The following WDPCP variants were observed in gnomAD, a reference collection of about 807,000 sequenced individuals.
The protein encoded by WDPCP is WD repeat-containing and planar cell polarity effector protein fritz homolog.
In WDPCP, 71 loss-of-function variants were observed where a neutral mutation model predicts 93.1. The observed-to-expected ratio is 0.76, with a 90% CI of 0.63 to 0.93. The LOEUF (loss-of-function observed/expected upper bound fraction) is 0.93. WDPCP is among the 40% of genes least tolerant of loss of function. The pLI, the probability that WDPCP is intolerant of heterozygous loss-of-function variation, is 0.00. For synonymous variants in WDPCP, 315 were observed against 315.0 expected (o/e 1.00, Z 0.00); for missense variants, 844 against 887.4 (o/e 0.95, Z 0.62).
At chr2:63,199,019 C>G (rs10209669) in intron 14 of WDPCP, among the ~76,000 whole-genome samples, 14 of 152,164 alleles carry the variant, frequency 9.2e-5, no homozygotes, top group African/African-American at 3.1e-4. Context: ...CAGAGACTGA[C>G]AGCATTGTGC....
At chr2:63,263,480 C>T (rs1681829100) in intron 13 of WDPCP, among the ~76,000 whole-genome samples, 1 of 152,186 alleles carries the variant, frequency 6.6e-6, no homozygotes, top group Non-Finnish European at 1.5e-5. Context: ...CATGTGTTTA[C>T]TCTGCCGTCT....
intron 1 of WDPCP, among the ~76,000 whole-genome samples, chr2:63,543,748 T>C (rs1160770477): frequency 1.3e-5 from 2 of 152,064 alleles, no homozygotes; most frequent in African/African-American, 4.8e-5. Flanking sequence ...TTTTAACTGA[T>C]CAACAATTAC....
At chr2:63,526,417 G>C (rs1261340452) in intron 1 of WDPCP, among the ~76,000 whole-genome samples, 3 of 152,080 alleles carry the variant, frequency 2.0e-5, no homozygotes, top group Non-Finnish European at 4.4e-5. Flanking sequence ...TGTTTGAAAA[G>C]GAATTTTTTA....
intron 1 of WDPCP, among the ~76,000 whole-genome samples, chr2:63,820,882 C>G (rs533718532): frequency 6.6e-6 from 1 of 152,006 alleles, no homozygotes; most frequent in Non-Finnish European, 1.5e-5. Flanking sequence ...ATAAATTTAA[C>G]TTAAATTTAT....
chr2:63,439,897 A>C (rs1464636936), intron 6 of WDPCP, 26 bp from the exon 7 acceptor site: 1 of 1,551,282 alleles, frequency 6.4e-7, no homozygotes, highest in Non-Finnish European at 8.9e-7. Flanking sequence ...TGGGGGAGAG[A>C]GGGAGGAAGA....
chr2:63,835,389 CAAAAAAAAAAA>C, the WDPCP span, among the ~76,000 whole-genome samples: 1 of 42,352 alleles, frequency 2.4e-5, no homozygotes, highest in Non-Finnish European at 4.9e-5. Context: ...GACTCCATCT[CAAAAAAAAAAA>C]AAAAAAAAAA....
At chr2:63,563,341 C>G (rs1483738430) in intron 1 of WDPCP, among the ~76,000 whole-genome samples, 1 of 151,630 alleles carries the variant, frequency 6.6e-6, no homozygotes, top group Non-Finnish European at 1.5e-5. Context: ...TGAAAAATAG[C>G]ATCATTTAAT....
At chr2:63,127,661 G>GTA (rs1670006397) in intron 17 of WDPCP, among the ~76,000 whole-genome samples, 3 of 49,162 alleles carry the variant, frequency 6.1e-5, no homozygotes, top group South Asian at 7.5e-4. Flanking sequence ...ATGTGTATGT[G>GTA]CATATATATA....
chr2:63,380,578 G>T (rs1692217052), intron 11 of WDPCP, among the ~76,000 whole-genome samples: 1 of 151,972 alleles, frequency 6.6e-6, no homozygotes, highest in Admixed American at 6.6e-5. Context: ...AGAAAAATTA[G>T]CTGGGTGTGT....
intron 2 of WDPCP, among the ~76,000 whole-genome samples, chr2:63,691,849 A>T (rs1036559150): frequency 6.6e-6 from 1 of 150,612 alleles, no homozygotes; most frequent in African/African-American, 2.5e-5. Context: ...TCTATACAAG[A>T]TTTTTAAAAA....
chr2:63,448,448 A>T (rs1355421048), intron 6 of WDPCP, among the ~76,000 whole-genome samples: 4 of 151,826 alleles, frequency 2.6e-5, no homozygotes, highest in Non-Finnish European at 5.9e-5. Flanking sequence ...ACACACACAC[A>T]CACACACACA....
intron 1 of WDPCP, among the ~76,000 whole-genome samples, chr2:63,521,123 A>C (rs1007813887): frequency 1.3e-5 from 2 of 152,196 alleles, no homozygotes; most frequent in African/African-American, 4.8e-5. Flanking sequence ...AAACTCATAG[A>C]CCAGTGATAC....
At position 63,275,719 on chromosome 2, in the gene WDPCP, T is replaced by TA. The variant is rs781704575; in HGVS notation, c.1813-16311dup. Among the ~76,000 whole-genome samples, 435 of 151,300 alleles carry TA rather than the reference T, an allele frequency of 2.9e-3. 3 individuals are homozygous for TA. Among genetic ancestry groups the TA allele is most frequent in the Admixed American group, 6.4e-3 (97 of 15,202 alleles). Reference sequence around the variant, plus strand: ...TATGAGGAAAATGAAATAACACCAGTAAAAAAAACCAAAGAGGACACAAAC... The same window carrying TA: ...TATGAGGAAAATGAAATAACACCAGTAAAAAAAAACCAAAGAGGACACAAAC... On this transcript the variant is annotated intron_variant, in intron 13 of 17. Coordinates refer to ENST00000272321, the MANE Select transcript of WDPCP (RefSeq NM_015910.7).
chr2:63,262,516 C>T (rs1267826406), intron 13 of WDPCP, among the ~76,000 whole-genome samples: 1 of 130,098 alleles, frequency 7.7e-6, no homozygotes, highest in Non-Finnish European at 1.6e-5. Flanking sequence ...AACTATAGAA[C>T]ACTGATATAC....
chr2:63,691,925 C>T (rs1339889147), intron 2 of WDPCP, among the ~76,000 whole-genome samples: 1 of 143,612 alleles, frequency 7.0e-6, no homozygotes, highest in Non-Finnish European at 1.5e-5. Flanking sequence ...TTTTTCTATT[C>T]TATTAGCAGG....
At chr2:63,600,682 G>A (rs1224376924) in intron 3 of WDPCP, among the ~76,000 whole-genome samples, 3 of 152,074 alleles carry the variant, frequency 2.0e-5, no homozygotes. Context: ...AATTTAGAGG[G>A]TTGTTGGATA....
Position 63,404,029 on chromosome 2 carries a change from A to T in WDPCP, c.1435+19T>A. The T allele has an allele frequency of 6.2e-7, 1 of 1,613,906 alleles. No homozygotes were observed. The highest frequency in any genetic ancestry group is 8.5e-7 in the Non-Finnish European group (1 of 1,179,930). Reference sequence around the variant, plus strand: ...CCTAAACATTTTAATTTACTTACTCATCACTTTCCTTGACTTACCTAGTTT... The same window carrying T: ...CCTAAACATTTTAATTTACTTACTCTTCACTTTCCTTGACTTACCTAGTTT... On this transcript the variant is annotated intron_variant, in intron 10 of 17. Transcript: ENST00000272321.
chr2:63,608,126 T>C (rs906365596), intron 3 of WDPCP, among the ~76,000 whole-genome samples: 1 of 152,318 alleles, frequency 6.6e-6, no homozygotes, highest in Non-Finnish European at 1.5e-5. Context: ...TAATATTAAA[T>C]AAGTTGCAGA....
intron 1 of WDPCP, among the ~76,000 whole-genome samples, chr2:63,577,489 T>C (rs1053041619): frequency 6.6e-6 from 1 of 152,152 alleles, no homozygotes; most frequent in Non-Finnish European, 1.5e-5. Context: ...TTTATCCCAT[T>C]TCAAGCATGA....
Sources: allele counts gnomAD v4.1 joint callset (sites outside exome capture counted in the v4.1 genomes callset), GRCh38; gene constraint gnomAD v4.1.1; transcripts MANE v1.5; gene names NCBI Gene and HGNC (gene_info 2026-07-23, HGNC 2026-07-21).